Variants in EIF4G3 observed in about 807,000 individuals in gnomAD.
The protein encoded by EIF4G3 is eIF-4-gamma 3.
EIF4G3 carries 34 observed loss-of-function variants against 186.4 expected under a neutral mutation model. The observed-to-expected ratio is 0.18, with a 90% CI of 0.14 to 0.24. EIF4G3 has a LOEUF of 0.24. Among genes scored for constraint, EIF4G3 ranks in the 10% least tolerant of loss-of-function variants. The probability of loss-of-function intolerance (pLI) is 1.00; values close to 1 mark genes in which losing one functional copy is unlikely to be tolerated. For missense variants in EIF4G3, 1,536 were observed against 1,948.5 expected, an observed-to-expected ratio of 0.79 and a Z score of 3.99; for synonymous variants, 673 against 679.5, an observed-to-expected ratio of 0.99 and a Z score of 0.15.
At chr1:21,148,014 A>G (rs1240967891) in intron 2 of EIF4G3, among the ~76,000 whole-genome samples, 1 of 152,246 alleles carries the variant, frequency 6.6e-6, no homozygotes, top group Non-Finnish European at 1.5e-5. Flanking sequence ...TACTTTTATT[A>G]AGGAAATATC....
chr1:20,955,869 A>G (rs186187313), intron 12 of EIF4G3, among the ~76,000 whole-genome samples: 31 of 152,294 alleles, frequency 2.0e-4, no homozygotes, highest in Admixed American at 2.0e-3. Flanking sequence ...GGGTTTGGTT[A>G]GAGGAAAACC....
At chr1:21,167,463 G>C (rs1024620012) in intron 2 of EIF4G3, among the ~76,000 whole-genome samples, 3 of 152,140 alleles carry the variant, frequency 2.0e-5, no homozygotes, top group Non-Finnish European at 4.4e-5. Context: ...GAGATGAAGA[G>C]TTCGAGACCA....
intron 29 of EIF4G3, among the ~76,000 whole-genome samples, chr1:20,843,328 C>G (rs1216754305): frequency 6.6e-6 from 1 of 151,830 alleles, no homozygotes; most frequent in Non-Finnish European, 1.5e-5. Context: ...ACCAGCCTGG[C>G]CAAGAAGGTA....
Position 20,982,395 on chromosome 1 carries a change from G to A in EIF4G3, c.191C>T (p.Pro64Leu). ...GAACCAGTAGTTTGTTACCTGGATA[G>A]GTCTGAATCCTCCCTTCAAATATGA... ...RPPHHQGGFR[P>L]IQFFQRPQIQ... Residue 64 changes from proline to leucine, a missense_variant, in exon 8 of 37, where the codon CCT (proline) becomes CTT (leucine). Pro to Leu is a moderately conservative substitution (Grantham distance 98). Transcript: ENST00000602326. The A allele has an allele frequency of 6.5e-7, 1 of 1,527,342 alleles. No individual in the cohort carries two copies. The highest frequency in any genetic ancestry group is 8.7e-7 in the Non-Finnish European group (1 of 1,143,808). 94.6% of individuals were successfully genotyped at this position (1,527,342 alleles called of 1,614,324 possible). A position where few individuals can be genotyped will look rare whatever the true frequency, so the allele number is the denominator to read the frequency against.
intron 7 of EIF4G3, among the ~76,000 whole-genome samples, chr1:20,992,028 C>T (rs2081245668): frequency 6.6e-6 from 1 of 152,092 alleles, no homozygotes; most frequent in African/African-American, 2.4e-5. Context: ...AAACTTGAGG[C>T]CCAAAGATAA....
intron 29 of EIF4G3, among the ~76,000 whole-genome samples, chr1:20,842,064 GA>G: frequency 6.6e-6 from 1 of 152,220 alleles, no homozygotes; most frequent in Middle Eastern, 3.4e-3. Context: ...AAAAATTAAA[GA>G]GTCATACAAT....
At chr1:20,893,886 T>C (rs2086977000) in intron 17 of EIF4G3, among the ~76,000 whole-genome samples, 1 of 148,502 alleles carries the variant, frequency 6.7e-6, no homozygotes, top group African/African-American at 2.5e-5. Flanking sequence ...GGGCTATACA[T>C]AATCAGCAGA....
At chr1:21,123,651 G>T (rs2096968112) in intron 2 of EIF4G3, among the ~76,000 whole-genome samples, 1 of 152,084 alleles carries the variant, frequency 6.6e-6, no homozygotes, top group Non-Finnish European at 1.5e-5. Flanking sequence ...TGGCATTAAG[G>T]TTAAAATAAA....
At chr1:20,940,387 T>C (rs921289896) in intron 14 of EIF4G3, among the ~76,000 whole-genome samples, 4 of 152,220 alleles carry the variant, frequency 2.6e-5, no homozygotes, top group African/African-American at 9.6e-5. Context: ...CAAGATGTTC[T>C]GCAGTTCCAA....
chr1:20,978,376 T>C (rs1011214333), intron 10 of EIF4G3, among the ~76,000 whole-genome samples: 3 of 152,126 alleles, frequency 2.0e-5, no homozygotes, highest in African/African-American at 7.2e-5. Context: ...ATGATACAAC[T>C]TAATAAAGCT....
chr1:20,945,261 G>C (rs2095887137), intron 13 of EIF4G3, among the ~76,000 whole-genome samples: 1 of 151,980 alleles, frequency 6.6e-6, no homozygotes, highest in Non-Finnish European at 1.5e-5. Context: ...GAAAGGGTTA[G>C]CAAAGATAGA....
chr1:20,918,532 T>C lies in EIF4G3; in HGVS notation c.1664-13561A>G, dbSNP rs2094158449. On this transcript the variant is annotated intron_variant, in intron 14 of 36. Coordinates refer to ENST00000602326, the MANE Select transcript of EIF4G3 (RefSeq NM_001391906.1). ...CACAAGTTTATCTTAAACAGAAAAA[T>C]GGGGTCATAACTATATGAGTTATTC... Among the ~76,000 whole-genome samples the C allele has an allele frequency of 3.3e-5, 5 of 151,672 alleles. No homozygotes were observed. The South Asian group carries it at 1.0e-3, about 32-fold the overall frequency.
At chr1:20,827,068 A>C (rs72972067) in intron 32 of EIF4G3, among the ~76,000 whole-genome samples, 3,971 of 152,282 alleles carry the variant, frequency 0.026, 168 homozygotes, top group African/African-American at 0.089. Flanking sequence ...AGGCGTAAGT[A>C]AGTCAGAAAT....
intron 3 of EIF4G3, among the ~76,000 whole-genome samples, chr1:21,074,243 C>G (rs1239032186): frequency 6.6e-6 from 1 of 152,168 alleles, no homozygotes; most frequent in Non-Finnish European, 1.5e-5. Flanking sequence ...CCTCTACCCA[C>G]TAAATGACAG....
intron 4 of EIF4G3, among the ~76,000 whole-genome samples, chr1:21,014,555 A>G (rs983299579): frequency 2.0e-5 from 3 of 151,826 alleles, no homozygotes; most frequent in African/African-American, 7.3e-5. Flanking sequence ...TCCCACTTGT[A>G]AGTGACAAGA....
At chr1:20,920,326 CTTTGA>C (rs1558243052) in intron 14 of EIF4G3, among the ~76,000 whole-genome samples, 2 of 152,086 alleles carry the variant, frequency 1.3e-5, no homozygotes, top group Non-Finnish European at 2.9e-5. Flanking sequence ...TTCAAGCAAA[CTTTGA>C]TTTAATATAT....
chr1:21,115,924 T>G (rs1384472126), intron 2 of EIF4G3, among the ~76,000 whole-genome samples: 1 of 152,048 alleles, frequency 6.6e-6, no homozygotes, highest in Non-Finnish European at 1.5e-5. Context: ...GAGTCTCATC[T>G]TGTTACCCGG....
At chr1:21,144,225 C>T (rs1279302435) in intron 2 of EIF4G3, among the ~76,000 whole-genome samples, 3 of 152,108 alleles carry the variant, frequency 2.0e-5, no homozygotes, top group African/African-American at 7.2e-5. Flanking sequence ...ATAACAATAA[C>T]AGTTATCAGT....
rs374688748 is a variant in EIF4G3 at position 21,120,806 on chromosome 1, A to G, written c.-271-31593T>C. 1.2e-4 allele frequency among the ~76,000 whole-genome samples: 18 copies of G among 152,320 alleles called. 1 individual carries two copies. In the East Asian group the frequency reaches 2.5e-3, roughly 21 times the overall value. On this transcript the variant is annotated intron_variant, in intron 2 of 36. Transcript: ENST00000602326. ...CACATTACTTAATACGCATCTCAGT[A>G]TAAGAGCACGAGTATGAACTTTACC...
Sources: gnomAD v4.1 joint callset for allele counts (sites outside exome capture counted in the v4.1 genomes callset) on GRCh38, gnomAD v4.1.1 for gene constraint, MANE v1.5 for transcripts, NCBI Gene and HGNC (gene_info 2026-07-23, HGNC 2026-07-21) for gene names.